The following PTK2 variants were observed in gnomAD, a reference collection of about 807,000 sequenced individuals.
The protein encoded by PTK2 is protein tyrosine kinase 2, also known as focal adhesion kinase 1.
A neutral mutation model predicts 150.1 loss-of-function variants in PTK2; 45 were observed. The observed-to-expected ratio is 0.30, with a 90% CI of 0.24 to 0.38. The LOEUF (loss-of-function observed/expected upper bound fraction) is 0.38, where lower values mean the gene tolerates loss of function less well. PTK2 is among the 10% of genes least tolerant of loss of function. The probability of loss-of-function intolerance (pLI) is 1.00; values close to 1 mark genes in which losing one functional copy is unlikely to be tolerated. For missense variants in PTK2, 919 were observed against 1,307.3 expected, an observed-to-expected ratio of 0.70 and a Z score of 4.58; for synonymous variants, 432 against 449.2, an observed-to-expected ratio of 0.96 and a Z score of 0.48.
At chr8:140,935,863 G>C (rs2100173447) in intron 1 of PTK2, among the ~76,000 whole-genome samples, 1 of 151,594 alleles carries the variant, frequency 6.6e-6, no homozygotes, top group African/African-American at 2.4e-5. Context: ...GGAGACACAG[G>C]GTTTCACCGT....
intron 2 of PTK2, among the ~76,000 whole-genome samples, chr8:140,907,524 G>A (rs1321962205): frequency 6.6e-6 from 1 of 151,984 alleles, no homozygotes; most frequent in Non-Finnish European, 1.5e-5. Context: ...AGCAATCATA[G>A]AAATTGATAA....
chr8:140,841,707 A>T (rs748028552), intron 7 of PTK2, among the ~76,000 whole-genome samples: 1 of 152,144 alleles, frequency 6.6e-6, no homozygotes, highest in South Asian at 2.1e-4. Context: ...ATGTGTTAAC[A>T]TGACAAAGAC....
chr8:140,672,367 T>C (rs1013034509), intron 29 of PTK2, among the ~76,000 whole-genome samples: 7 of 152,196 alleles, frequency 4.6e-5, no homozygotes, highest in South Asian at 2.1e-4. Flanking sequence ...GAAGCCAATA[T>C]TGGGAAGGGT....
At chr8:140,880,678 C>A (rs2100148633) in intron 3 of PTK2, among the ~76,000 whole-genome samples, 1 of 152,142 alleles carries the variant, frequency 6.6e-6, no homozygotes, top group Non-Finnish European at 1.5e-5. Flanking sequence ...CAAAAAAGTT[C>A]CTGCACTCAT....
intron 1 of PTK2, among the ~76,000 whole-genome samples, chr8:140,994,298 G>C (rs916456871): frequency 3.3e-5 from 5 of 152,250 alleles, no homozygotes; most frequent in Admixed American, 1.3e-4. Context: ...CATTTCATTA[G>C]AGTATTTATG....
chr8:140,877,025 CTTTTTTTTTTTT>C (rs60000363), intron 4 of PTK2, among the ~76,000 whole-genome samples: 5 of 71,828 alleles, frequency 7.0e-5, no homozygotes, highest in African/African-American at 1.8e-4. Flanking sequence ...TTCACTAATC[CTTTTTTTTTTTT>C]TTTTTTTTTT....
chr8:140,791,228 T>G (rs2154580670), intron 13 of PTK2, among the ~76,000 whole-genome samples: 1 of 152,260 alleles, frequency 6.6e-6, no homozygotes, highest in East Asian at 1.9e-4. Flanking sequence ...CAGACTCGAG[T>G]GTGGTTGCTA....
At chr8:140,744,789 GAA>G (rs372806706) in intron 18 of PTK2, 22 bp from the exon 22 acceptor site, 7,447 of 653,268 alleles carry the variant, frequency 0.011, no homozygotes, top group Non-Finnish European at 0.012. Flanking sequence ...ATGACCAAAA[GAA>G]AAAAAAAAAA....
intron 7 of PTK2, among the ~76,000 whole-genome samples, chr8:140,840,152 G>A (rs2100121452): frequency 6.6e-6 from 1 of 152,192 alleles, no homozygotes; most frequent in South Asian, 2.1e-4. Flanking sequence ...ACAACAAGCT[G>A]GGCTCAAGCA....
intron 8 of PTK2, 121 bp from the exon 9 acceptor site, chr8:140,819,141 A>G: frequency 2.1e-6 from 2 of 955,536 alleles, no homozygotes; most frequent in South Asian, 2.0e-5. Context: ...AATTACTGCC[A>G]AAAAGTATAC....
At chr8:140,839,348 G>A (rs1480193593) in intron 7 of PTK2, among the ~76,000 whole-genome samples, 1 of 152,124 alleles carries the variant, frequency 6.6e-6, no homozygotes, top group African/African-American at 2.4e-5. Context: ...CCCAGTCTAG[G>A]GCCACCAGCC....
chr8:140,882,982 G>A (rs1484723287), intron 3 of PTK2, among the ~76,000 whole-genome samples: 1 of 152,150 alleles, frequency 6.6e-6, no homozygotes, highest in South Asian at 2.1e-4. Flanking sequence ...ACTTCCACAG[G>A]TATTTTACTG....
chr8:140,690,929 A>C (rs1272435564), intron 26 of PTK2, among the ~76,000 whole-genome samples: 1 of 152,254 alleles, frequency 6.6e-6, no homozygotes, highest in Non-Finnish European at 1.5e-5. Context: ...CCTGGGCCTC[A>C]ATTTCTTCAT....
intron 27 of PTK2, 119 bp downstream of exon 30, chr8:140,686,513 A>G (rs2100019951): frequency 2.4e-6 from 2 of 837,098 alleles, no homozygotes; most frequent in East Asian, 5.3e-5. Flanking sequence ...TGTTAACTTT[A>G]TAGAATATTC....
chr8:140,935,810 A>C (rs1245144509), intron 1 of PTK2, among the ~76,000 whole-genome samples: 2 of 148,918 alleles, frequency 1.3e-5, no homozygotes. Flanking sequence ...AGCTGGGACT[A>C]CAGGCATCCG....
intron 17 of PTK2, 29 bp from the exon 21 acceptor site, chr8:140,746,889 T>TTTA: frequency 7.3e-7 from 1 of 1,378,828 alleles, no homozygotes; most frequent in Non-Finnish European, 9.9e-7. Context: ...ATAGTTATTC[T>TTTA]TTCTTTTTTT....
intron 4 of PTK2, among the ~76,000 whole-genome samples, chr8:140,865,006 T>G (rs963418430): frequency 5.9e-5 from 9 of 152,310 alleles, no homozygotes; most frequent in Non-Finnish European, 1.2e-4. Context: ...CCAAAGAGGT[T>G]GTAACAAGTC....
intron 14 of PTK2, 97 bp downstream of exon 16, chr8:140,769,478 C>G (rs2100074336): frequency 7.3e-6 from 6 of 823,352 alleles, no homozygotes; most frequent in African/African-American, 3.6e-5. Flanking sequence ...TCTGTTGGAT[C>G]AAAAGCACAT....
intron 27 of PTK2, among the ~76,000 whole-genome samples, chr8:140,680,962 T>C (rs1196305492): frequency 6.6e-6 from 1 of 152,234 alleles, no homozygotes; most frequent in Non-Finnish European, 1.5e-5. Flanking sequence ...TCCGTAAGTC[T>C]GCTACCTGAC....
Sources: gnomAD v4.1 joint callset for allele counts (sites outside exome capture counted in the v4.1 genomes callset) on GRCh38, gnomAD v4.1.1 for gene constraint, MANE v1.5 for transcripts, NCBI Gene and HGNC (gene_info 2026-07-23, HGNC 2026-07-21) for gene names.